Variants in NLRP1 observed in about 807,000 individuals in gnomAD.
NLRP1 encodes the protein NLR family pyrin domain containing 1, also known as NACHT, LRR and PYD domains-containing protein 1.
NLRP1 carries 94 observed loss-of-function variants against 136.7 expected under a neutral mutation model. The observed-to-expected ratio is 0.69, with a 90% CI of 0.58 to 0.82. The LOEUF (loss-of-function observed/expected upper bound fraction) is 0.82. NLRP1 is among the 40% of genes least tolerant of loss of function. The probability of loss-of-function intolerance (pLI) is 0.00; values close to 1 mark genes in which losing one functional copy is unlikely to be tolerated. For missense variants in NLRP1, 1,575 were observed against 1,802.7 expected, an observed-to-expected ratio of 0.87 and a Z score of 2.29; for synonymous variants, 690 against 725.1, an observed-to-expected ratio of 0.95 and a Z score of 0.78.
At position 5,541,824 on chromosome 17, in the gene NLRP1, C is replaced by T. The variant is rs1369345629; in HGVS notation, c.2699+33G>A. The T allele has an allele frequency of 1.9e-6, 3 of 1,609,292 alleles. No individual in the cohort carries two copies. The highest frequency in any genetic ancestry group is 2.5e-6 in the Non-Finnish European group (3 of 1,177,292). On this transcript the variant is annotated intron_variant, in intron 6 of 16. Coordinates refer to ENST00000572272, the MANE Select transcript of NLRP1 (RefSeq NM_033004.4). The surrounding 1 kb of genome is among the most constrained non-coding windows in gnomAD (Gnocchi z 4.2). The stretch of plus-strand genomic sequence containing the variant: ...CTGCCTCATGGTGGCAGGCAGTTCC[C>T]TCCACCTCCCCCTGCCCACCAAGAA...
In NLRP1 at chr17:5,520,878, C is replaced by T. The variant is rs762789010; in HGVS notation, c.3915+3G>A. On this transcript the variant is annotated splice_donor_region_variant and intron_variant, in intron 14 of 16. Coordinates refer to ENST00000572272, the MANE Select transcript of NLRP1 (RefSeq NM_033004.4). ...GTGAAGAGGCAGACACTGGGCTGCT[C>T]ACCTTGGGGAGTATTTCCAGCATCC... is the stretch of plus-strand genomic sequence containing the variant. 3.1e-6 allele frequency: 5 copies of T among 1,589,096 alleles called. No individual in the cohort carries two copies.
intron 9 of NLRP1, among the ~76,000 whole-genome samples, 167 bp from the exon 10 acceptor site, chr17:5,533,551 G>GT (rs35006823): frequency 0.14 from 12,582 of 89,970 alleles, 1,217 homozygotes; most frequent in African/African-American, 0.18. Flanking sequence ...GTGAGACTCT[G>GT]TTTTTTTTTT....
intron 3 of NLRP1, among the ~76,000 whole-genome samples, chr17:5,560,341 C>T (rs1056396245): frequency 6.6e-6 from 1 of 152,188 alleles, no homozygotes; most frequent in Non-Finnish European, 1.5e-5. Context: ...ACAAAACAGA[C>T]ACAACTCTCA....
intron 3 of NLRP1, among the ~76,000 whole-genome samples, chr17:5,577,840 T>G (rs572932298): frequency 6.6e-6 from 1 of 151,556 alleles, no homozygotes; most frequent in African/African-American, 2.4e-5. Flanking sequence ...GGAGGCATCA[T>G]GCTATCTGAC....
intron 3 of NLRP1, among the ~76,000 whole-genome samples, chr17:5,573,892 C>T (rs1027676678): frequency 6.6e-6 from 1 of 152,174 alleles, no homozygotes; most frequent in Non-Finnish European, 1.5e-5. Context: ...TTCTAAAAAT[C>T]AGAGCGCCTC....
downstream of NLRP1, chr17:5,512,334 T>TA: frequency 1.5e-6 from 2 of 1,351,800 alleles, no homozygotes; most frequent in Non-Finnish European, 2.1e-6. Context: ...GAGGCGGGTC[T>TA]ACTTTAGCCT....
At chr17:5,573,447 T>C (rs1904654178) in intron 3 of NLRP1, among the ~76,000 whole-genome samples, 1 of 152,204 alleles carries the variant, frequency 6.6e-6, no homozygotes, top group African/African-American at 2.4e-5. Flanking sequence ...ATGTCCCTGT[T>C]TGACAGCTTT....
Position 5,577,221 on chromosome 17 carries a change from C to G in NLRP1, c.652+4638G>C, listed in dbSNP as rs1905114610. 2.6e-5 allele frequency among the ~76,000 whole-genome samples: 4 copies of G among 152,224 alleles called. No homozygotes were observed. The South Asian group carries it at 8.3e-4, about 31-fold the overall frequency. Reference sequence around the variant, plus strand: ...CTGGCACAAGACAGGGATGCCCTCTCTCATCACTCCTATTCAACATAGTGT... The same window carrying G: ...CTGGCACAAGACAGGGATGCCCTCTGTCATCACTCCTATTCAACATAGTGT... On this transcript the variant is annotated intron_variant, in intron 3 of 16. Coordinates refer to ENST00000572272, the MANE Select transcript of NLRP1 (RefSeq NM_033004.4).
At chr17:5,558,220 C>G in intron 4 of NLRP1, 119 bp downstream of exon 4, 1 of 1,081,518 alleles carries the variant, frequency 9.2e-7, no homozygotes, top group Non-Finnish European at 1.3e-6. Flanking sequence ...ACTGGAGACC[C>G]TGATCCTTTA....
intron 14 of NLRP1, among the ~76,000 whole-genome samples, chr17:5,519,375 A>C (rs1567631874): frequency 6.7e-6 from 1 of 148,932 alleles, no homozygotes; most frequent in Non-Finnish European, 1.5e-5. Context: ...GGAACTCCTG[A>C]TCTTAGGTGA....
At chr17:5,530,937 A>G (rs1910155274) in intron 11 of NLRP1, among the ~76,000 whole-genome samples, 1 of 152,182 alleles carries the variant, frequency 6.6e-6, no homozygotes, top group Non-Finnish European at 1.5e-5. Flanking sequence ...AGGAGTAATT[A>G]TAGCTCCCAT....
At chr17:5,566,429 C>A (rs547406476) in intron 3 of NLRP1, among the ~76,000 whole-genome samples, 3 of 152,054 alleles carry the variant, frequency 2.0e-5, no homozygotes, top group Non-Finnish European at 4.4e-5. Context: ...CCACTGGTCA[C>A]TCAGGAGCAT....
intron 5 of NLRP1, among the ~76,000 whole-genome samples, chr17:5,550,653 T>C (rs1045914596): frequency 6.6e-5 from 10 of 152,164 alleles, no homozygotes; most frequent in African/African-American, 1.9e-4. Flanking sequence ...TTAGTTTCAT[T>C]GGTTTTCTGT....
chr17:5,517,354 C>G (rs957102429), intron 15 of NLRP1, among the ~76,000 whole-genome samples: 1 of 80,838 alleles, frequency 1.2e-5, no homozygotes, highest in African/African-American at 4.9e-5. Flanking sequence ...CTCTGCACCC[C>G]CCCCCCTCCC....
rs555157840 is a variant in NLRP1 at position 5,583,447 on chromosome 17, C to A, written c.271+240G>T. Among the ~76,000 whole-genome samples the A allele has an allele frequency of 6.6e-6, 1 of 152,260 alleles. No individual in the cohort carries two copies. The highest frequency in any genetic ancestry group is 2.1e-4 in the South Asian group (1 of 4,826). On this transcript the variant is annotated intron_variant, in intron 1 of 16. Transcript: ENST00000572272. The surrounding 1 kb of genome is among the most constrained non-coding windows in gnomAD (Gnocchi z 4.5). ...TCATAACTACAATGCCAGGCGAGTA[C>A]CGGGAATGCACTTGAATAGAAGAGG...
intron 9 of NLRP1, 38 bp downstream of exon 9, chr17:5,533,859 C>G: frequency 7.2e-7 from 1 of 1,387,084 alleles, no homozygotes; most frequent in South Asian, 1.2e-5. Flanking sequence ...TCCCCCAACC[C>G]CTGTCACGAT....
intron 15 of NLRP1, chr17:5,502,018 G>T: frequency 1.5e-6 from 1 of 684,234 alleles, no homozygotes; most frequent in Non-Finnish European, 2.6e-6. Flanking sequence ...AAGGCCCCGG[G>T]GTGAACCAAG....
In NLRP1 at chr17:5,558,633, T is replaced by A; in HGVS notation, c.2063A>T (p.Asn688Ile). The A allele has an allele frequency of 6.2e-7, 1 of 1,613,928 alleles. No homozygotes were observed. Among genetic ancestry groups the A allele is most frequent in the Non-Finnish European group, 8.5e-7 (1 of 1,179,866 alleles). Residue 688 changes from asparagine (N) to isoleucine (I), a missense_variant, in exon 4 of 17, where the codon AAC becomes ATC. By Grantham distance (149) the Asn-to-Ile change is moderately radical (BLOSUM62 -3). Transcript: ENST00000572272. ...LSDEGEREME[N>I]IFHCRLSQGR... ...CTGAGACAGCCGGCAGTGAAAGATG[T>A]TCTCCATCTCTCTCTCCCCCTCATC... is the stretch of plus-strand genomic sequence containing the variant.
At chr17:5,528,508 TG>T (rs1007640684) in intron 12 of NLRP1, among the ~76,000 whole-genome samples, 3 of 152,210 alleles carry the variant, frequency 2.0e-5, no homozygotes, top group Non-Finnish European at 4.4e-5. Flanking sequence ...TCTATTTCCC[TG>T]CCCCATGCTC....
Sources: allele counts gnomAD v4.1 joint callset (sites outside exome capture counted in the v4.1 genomes callset), GRCh38; gene constraint gnomAD v4.1.1; non-coding constraint Gnocchi (gnomAD v3.1); transcripts MANE v1.5; gene names NCBI Gene and HGNC (gene_info 2026-07-23, HGNC 2026-07-21).